KCNH5: variants seen among roughly 807,000 people sequenced by gnomAD.
The protein encoded by KCNH5 is potassium voltage-gated channel subfamily H member 5.
KCNH5 carries 46 observed loss-of-function variants against 96.1 expected under a neutral mutation model. The observed-to-expected ratio is 0.48, with a 90% CI of 0.38 to 0.61. The LOEUF (loss-of-function observed/expected upper bound fraction) is 0.61, where lower values mean the gene tolerates loss of function less well. Ranked by LOEUF, KCNH5 falls within the 20% of genes least tolerant of loss-of-function variation. The probability of loss-of-function intolerance (pLI) is 0.00; values close to 1 mark genes in which losing one functional copy is unlikely to be tolerated. For missense variants in KCNH5, 907 were observed against 1,225.8 expected (o/e 0.74, Z 3.88); for synonymous variants, 439 against 449.8 (o/e 0.98, Z 0.30).
intron 10 of KCNH5, among the ~76,000 whole-genome samples, chr14:62,732,516 C>T (rs959507653): frequency 5.5e-4 from 83 of 151,824 alleles, no homozygotes; most frequent in African/African-American, 1.9e-3. Flanking sequence ...AAAGTCAAAA[C>T]TCAATTGTTT....
chr14:62,987,279 C>T, intron 4 of KCNH5, 92 bp from the exon 5 acceptor site: 1 of 841,140 alleles, frequency 1.2e-6, no homozygotes, highest in African/African-American at 1.7e-5. Flanking sequence ...TCAGCAACCA[C>T]ATAACATCCA....
chr14:62,901,117 T>C (rs1467439040), intron 7 of KCNH5, among the ~76,000 whole-genome samples: 1 of 152,134 alleles, frequency 6.6e-6, no homozygotes, highest in Non-Finnish European at 1.5e-5. Flanking sequence ...GCCTCCTAAA[T>C]AGCTGGGATT....
chr14:62,870,850 A>G (rs1045433699), intron 7 of KCNH5, among the ~76,000 whole-genome samples: 3 of 152,218 alleles, frequency 2.0e-5, no homozygotes, highest in Non-Finnish European at 4.4e-5. Context: ...TTAAAGGTGG[A>G]GAGGATAGGT....
chr14:62,789,915 A>G (rs1000266436), intron 9 of KCNH5, among the ~76,000 whole-genome samples: 1 of 151,700 alleles, frequency 6.6e-6, no homozygotes, highest in Non-Finnish European at 1.5e-5. Context: ...ATGTAACCCT[A>G]TTTATTTATT....
intron 10 of KCNH5, among the ~76,000 whole-genome samples, chr14:62,723,484 T>C (rs1297639721): frequency 6.6e-6 from 1 of 152,194 alleles, no homozygotes; most frequent in Non-Finnish European, 1.5e-5. Flanking sequence ...GTTTGTAATA[T>C]TGTGGTATTT....
chr14:62,791,250 T>C (rs1242117342), intron 9 of KCNH5, among the ~76,000 whole-genome samples: 1 of 151,724 alleles, frequency 6.6e-6, no homozygotes, highest in Non-Finnish European at 1.5e-5. Context: ...TCCATTACTA[T>C]AGTAGCAGTA....
At chr14:62,896,642 ATATGGAG>A (rs751992630) in intron 7 of KCNH5, among the ~76,000 whole-genome samples, 3 of 152,232 alleles carry the variant, frequency 2.0e-5, no homozygotes, top group Non-Finnish European at 4.4e-5. Context: ...GCTATCTGAC[ATATGGAG>A]TATGAAGTGA....
intron 8 of KCNH5, among the ~76,000 whole-genome samples, chr14:62,839,236 T>C (rs1887526352): frequency 6.6e-6 from 1 of 152,212 alleles, no homozygotes; most frequent in African/African-American, 2.4e-5. Flanking sequence ...CATCATATTT[T>C]CTTTTTCTAG....
At position 62,778,750 on chromosome 14, in the gene KCNH5, T is replaced by C. The variant is rs571509421; in HGVS notation, c.2019+978A>G. Among the ~76,000 whole-genome samples, 5 of 152,366 alleles carry C rather than the reference T, an allele frequency of 3.3e-5. No individual in the cohort carries two copies. In the East Asian group the frequency reaches 9.6e-4, roughly 29 times the overall value. On this transcript the variant is annotated intron_variant, in intron 10 of 10. Transcript: ENST00000322893. The stretch of plus-strand genomic sequence containing the variant: ...CTCCATCTATTTGATAACAAACGTA[T>C]GAACTGAAAATGATGTTCAAGTATA...
chr14:62,910,922 CA>C (rs1289242192), intron 7 of KCNH5, among the ~76,000 whole-genome samples: 3 of 142,762 alleles, frequency 2.1e-5, no homozygotes, highest in Non-Finnish European at 3.0e-5. Flanking sequence ...CACACACACA[CA>C]CACACACACA....
intron 10 of KCNH5, among the ~76,000 whole-genome samples, chr14:62,769,085 T>C (rs8020361): frequency 3.3e-5 from 5 of 152,244 alleles, no homozygotes; most frequent in African/African-American, 1.2e-4. Flanking sequence ...TGGAGCCAGC[T>C]TGGAGTTGAA....
At position 62,939,542 on chromosome 14, in the gene KCNH5, T is replaced by C. The variant is rs191740490; in HGVS notation, c.1369+10591A>G. 3.2e-4 allele frequency among the ~76,000 whole-genome samples: 48 copies of C among 152,312 alleles called. No individual in the cohort carries two copies. The East Asian group carries it at 8.7e-3, about 28-fold the overall frequency. ...CCTATTTTAGAAAAAAGCTTCATCA[T>C]ACATTCAGCTGAATTTGCTAGAAAT... On this transcript the variant is annotated intron_variant, in intron 7 of 10. Transcript: ENST00000322893.
At chr14:62,870,848 G>A (rs565627230) in intron 7 of KCNH5, among the ~76,000 whole-genome samples, 25 of 152,212 alleles carry the variant, frequency 1.6e-4, no homozygotes, top group African/African-American at 5.3e-4. Flanking sequence ...AATTAAAGGT[G>A]GAGAGGATAG....
intron 3 of KCNH5, 76 bp downstream of exon 3, chr14:63,006,290 T>C (rs979917300): frequency 4.6e-6 from 4 of 863,130 alleles, no homozygotes; most frequent in Admixed American, 2.0e-5. Context: ...CTCTCTACAT[T>C]TTAGCTCCAC....
chr14:62,932,732 A>C (rs558768599), intron 7 of KCNH5, among the ~76,000 whole-genome samples: 1 of 152,274 alleles, frequency 6.6e-6, no homozygotes, highest in African/African-American at 2.4e-5. Flanking sequence ...ATGTTTCCAG[A>C]GTGGAAACAG....
chr14:62,761,581 T>C (rs549616152), intron 10 of KCNH5, among the ~76,000 whole-genome samples: 1 of 151,798 alleles, frequency 6.6e-6, no homozygotes, highest in African/African-American at 2.4e-5. Context: ...GCCTTGGGGG[T>C]TGGGGAGGGA....
intron 9 of KCNH5, among the ~76,000 whole-genome samples, chr14:62,783,482 T>C (rs1294776942): frequency 2.0e-5 from 3 of 152,242 alleles, no homozygotes; most frequent in Non-Finnish European, 4.4e-5. Flanking sequence ...GTTACATTTC[T>C]CTATGATTCA....
intron 7 of KCNH5, among the ~76,000 whole-genome samples, chr14:62,897,056 T>C (rs1471775587): frequency 6.6e-6 from 1 of 152,214 alleles, no homozygotes; most frequent in Non-Finnish European, 1.5e-5. Context: ...ATGTAACTCA[T>C]GGTCACTGTG....
intron 10 of KCNH5, among the ~76,000 whole-genome samples, chr14:62,761,509 A>G (rs1265581537): frequency 6.6e-6 from 1 of 152,204 alleles, no homozygotes; most frequent in Non-Finnish European, 1.5e-5. Flanking sequence ...AATAGATTCA[A>G]TTCAAAAAGT....
Sources: gnomAD v4.1 joint callset for allele counts (sites outside exome capture counted in the v4.1 genomes callset) on GRCh38, gnomAD v4.1.1 for gene constraint, MANE v1.5 for transcripts, NCBI Gene and HGNC (gene_info 2026-07-23, HGNC 2026-07-21) for gene names.